Variants in FHIT observed in about 807,000 individuals in gnomAD.
FHIT encodes the protein bis(5'-adenosyl)-triphosphatase.
In FHIT, 19 loss-of-function variants were observed where a neutral mutation model predicts 17.9. The ratio of observed to expected loss-of-function variants is 1.06; its 90% CI spans 0.74 to 1.56. FHIT has a LOEUF of 1.56. Ranked by LOEUF, FHIT falls within the 40% of genes most tolerant of loss-of-function variation. The pLI, the probability that FHIT is intolerant of heterozygous loss-of-function variation, is 0.00. For synonymous variants in FHIT, 81 were observed against 69.7 expected (o/e 1.16, Z -0.81); for missense variants, 248 against 189.2 (o/e 1.31, Z -1.82).
intron 5 of FHIT, among the ~76,000 whole-genome samples, chr3:60,119,240 A>AT (rs1370535867): frequency 3.3e-5 from 5 of 151,264 alleles, no homozygotes; most frequent in African/African-American, 1.2e-4. Flanking sequence ...TGCCCAGCTA[A>AT]TTTTTTATTT....
At chr3:60,364,143 T>C (rs1025767391) in intron 5 of FHIT, among the ~76,000 whole-genome samples, 2 of 152,222 alleles carry the variant, frequency 1.3e-5, no homozygotes, top group African/African-American at 4.8e-5. Flanking sequence ...TGGTCCCTCT[T>C]GGAACTCTGA....
intron 7 of FHIT, among the ~76,000 whole-genome samples, chr3:59,960,217 C>A (rs1228806767): frequency 6.6e-6 from 1 of 152,186 alleles, no homozygotes; most frequent in South Asian, 2.1e-4. Context: ...AATGGAGATG[C>A]AGCAACCTGT....
chr3:60,735,004 G>C (rs1553712211), intron 4 of FHIT, among the ~76,000 whole-genome samples: 1 of 152,124 alleles, frequency 6.6e-6, no homozygotes, highest in African/African-American at 2.4e-5. Flanking sequence ...GACACAAAAT[G>C]ACCAGCATCA....
At chr3:61,166,088 T>G (rs1469139632) in intron 2 of FHIT, among the ~76,000 whole-genome samples, 2 of 152,128 alleles carry the variant, frequency 1.3e-5, no homozygotes, top group Non-Finnish European at 2.9e-5. Context: ...GAATCCAAAT[T>G]TGTGCACCAT....
chr3:61,233,998 A>G (rs183714413), intron 1 of FHIT, among the ~76,000 whole-genome samples: 1 of 152,380 alleles, frequency 6.6e-6, no homozygotes, highest in East Asian at 1.9e-4. Flanking sequence ...AAAGCATTTG[A>G]AGCTGACATA....
At chr3:59,758,879 G>T (rs552026441) in intron 8 of FHIT, among the ~76,000 whole-genome samples, 1 of 152,110 alleles carries the variant, frequency 6.6e-6, no homozygotes, top group Non-Finnish European at 1.5e-5. Context: ...TGAGGGTGAT[G>T]CATTGGCCTT....
chr3:61,097,293 C>A (rs965599246), intron 2 of FHIT, among the ~76,000 whole-genome samples: 1 of 152,054 alleles, frequency 6.6e-6, no homozygotes, highest in Non-Finnish European at 1.5e-5. Context: ...GGCAAGGCAT[C>A]GCCTCACCCG....
chr3:60,945,383 G>C (rs1218602812), intron 3 of FHIT, among the ~76,000 whole-genome samples: 8 of 150,438 alleles, frequency 5.3e-5, no homozygotes, highest in Non-Finnish European at 1.2e-4. Context: ...AGGATGATGG[G>C]GAGTTACTAC....
intron 7 of FHIT, among the ~76,000 whole-genome samples, chr3:60,000,125 C>CTT (rs1369084681): frequency 2.6e-5 from 4 of 152,188 alleles, no homozygotes; most frequent in African/African-American, 4.8e-5. Context: ...GTGGAGAAAA[C>CTT]AGCCCATCCA....
In FHIT at chr3:60,484,434, A is replaced by C. The variant is rs1310934641; in HGVS notation, c.103+52426T>G. Reference sequence around the variant, plus strand: ...GCTTCAAACTATACTACAAGGCTACAGTAACCAAAACAGCATGGTACTGGT... The same window carrying C: ...GCTTCAAACTATACTACAAGGCTACCGTAACCAAAACAGCATGGTACTGGT... On this transcript the variant is annotated intron_variant, in intron 5 of 9. Transcript: ENST00000492590. 5.9e-5 allele frequency among the ~76,000 whole-genome samples: 9 copies of C among 152,368 alleles called. No homozygotes were observed. The East Asian group carries it at 1.5e-3, about 26-fold the overall frequency.
chr3:59,848,229 T>C (rs868387933), intron 8 of FHIT, among the ~76,000 whole-genome samples: 12 of 152,288 alleles, frequency 7.9e-5, no homozygotes, highest in Middle Eastern at 6.8e-3. Context: ...CTGAAATTGA[T>C]TGAAATTAAT....
At chr3:59,814,929 A>G (rs965101844) in intron 8 of FHIT, among the ~76,000 whole-genome samples, 1 of 152,224 alleles carries the variant, frequency 6.6e-6, no homozygotes, top group Non-Finnish European at 1.5e-5. Context: ...GAAGGAGCAA[A>G]TCCCTTAACA....
chr3:60,276,306 C>T lies in FHIT; in HGVS notation c.103+260554G>A, dbSNP rs530185020. 2.6e-5 allele frequency among the ~76,000 whole-genome samples: 4 copies of T among 152,256 alleles called. No homozygotes were observed. In the South Asian group the frequency reaches 8.3e-4, roughly 32 times the overall value. On this transcript the variant is annotated intron_variant, in intron 5 of 9. Coordinates refer to ENST00000492590, the MANE Select transcript of FHIT (RefSeq NM_002012.4). ...CGGCCTGTTTTTGTAATTTCTTATA[C>T]TACAATGTTTCCTTCTGGAGACAGA...
intron 5 of FHIT, among the ~76,000 whole-genome samples, chr3:60,151,277 T>A (rs1700451690): frequency 6.6e-6 from 1 of 152,186 alleles, no homozygotes; most frequent in African/African-American, 2.4e-5. Flanking sequence ...TATGACTTTA[T>A]CATATCAGTT....
chr3:59,945,381 G>A (rs892532164), intron 7 of FHIT, among the ~76,000 whole-genome samples: 6 of 151,936 alleles, frequency 3.9e-5, no homozygotes, highest in African/African-American at 1.5e-4. Flanking sequence ...GTTTTTGCTT[G>A]TTAATTTATT....
chr3:59,785,294 T>C (rs1402461441), intron 8 of FHIT, among the ~76,000 whole-genome samples: 7 of 145,490 alleles, frequency 4.8e-5, no homozygotes, highest in Non-Finnish European at 7.5e-5. Flanking sequence ...CCAGAAGTGA[T>C]TAGTGATGCA....
intron 4 of FHIT, among the ~76,000 whole-genome samples, chr3:60,774,506 G>C (rs1700153396): frequency 6.6e-6 from 1 of 152,036 alleles, no homozygotes; most frequent in South Asian, 2.1e-4. Flanking sequence ...TCACCATGTT[G>C]ACCAGGCTGG....
intron 5 of FHIT, among the ~76,000 whole-genome samples, chr3:60,272,909 C>T (rs931196220): frequency 6.6e-6 from 1 of 152,204 alleles, no homozygotes; most frequent in African/African-American, 2.4e-5. Context: ...ATCAGGCCTC[C>T]CTTGAGTTGG....
chr3:61,026,345 T>C (rs547353740), intron 3 of FHIT, among the ~76,000 whole-genome samples: 1 of 152,286 alleles, frequency 6.6e-6, no homozygotes, highest in South Asian at 2.1e-4. Context: ...GTACCTCCAA[T>C]TCTCTCCGAG....
Sources: allele counts gnomAD v4.1 joint callset (sites outside exome capture counted in the v4.1 genomes callset), GRCh38; gene constraint gnomAD v4.1.1; transcripts MANE v1.5; gene names NCBI Gene and HGNC (gene_info 2026-07-23, HGNC 2026-07-21).